Variants in MROH9 observed in about 807,000 individuals in gnomAD.
MROH9 encodes the protein maestro heat like repeat family member 9, also known as maestro heat-like repeat-containing protein family member 9.
A neutral mutation model predicts 98.2 loss-of-function variants in MROH9; 92 were observed. The observed-to-expected ratio is 0.94, with a 90% confidence interval of 0.79 to 1.11. The LOEUF (loss-of-function observed/expected upper bound fraction) is 1.11. MROH9 is among the 50% of genes most tolerant of loss of function. MROH9 has a pLI of 0.00. For synonymous variants in MROH9, 397 were observed against 368.9 expected (o/e 1.08, Z -0.87); for missense variants, 1,057 against 1,014.8 (o/e 1.04, Z -0.57).
chr1:171,013,868 AATAC>A (rs1306064327), intron 15 of MROH9, among the ~76,000 whole-genome samples: 3 of 106,342 alleles, frequency 2.8e-5, no homozygotes, highest in East Asian at 5.7e-4. Flanking sequence ...GAAAATGTAA[AATAC>A]ATACACACAC....
At chr1:170,999,740 C>T (rs1278891081) in intron 15 of MROH9, among the ~76,000 whole-genome samples, 2 of 152,052 alleles carry the variant, frequency 1.3e-5, no homozygotes, top group Non-Finnish European at 2.9e-5. Flanking sequence ...ACTTTTAGTT[C>T]TTTAAGGGAT....
rs1388854212 is a variant in MROH9 at position 171,024,647 on chromosome 1, A to G, written c.2062-2A>G. ...CTTCACCGGCCTTTTTCTGTCTCACAGGCATGTAAATATACATTAAAAATC... is the reference window on the plus strand; with the variant it reads ...CTTCACCGGCCTTTTTCTGTCTCACGGGCATGTAAATATACATTAAAAATC... On this transcript the variant is annotated splice_acceptor_variant, in intron 18 of 21. Coordinates refer to ENST00000367759, the MANE Select transcript of MROH9 (RefSeq NM_001163629.2). LOFTEE classifies it high-confidence loss of function. 6 of 1,545,802 alleles carry G rather than the reference A, an allele frequency of 3.9e-6. No homozygotes were observed. In the Admixed American group the frequency reaches 7.9e-5, roughly 20 times the overall value.
At chr1:170,977,960 G>A (rs955415323) in intron 8 of MROH9, among the ~76,000 whole-genome samples, 32 of 152,294 alleles carry the variant, frequency 2.1e-4, no homozygotes, top group African/African-American at 7.7e-4. Context: ...AGACAGACTG[G>A]CCCCCTTTCT....
At chr1:170,981,370 T>A (rs1390638924) in intron 8 of MROH9, among the ~76,000 whole-genome samples, 1 of 152,088 alleles carries the variant, frequency 6.6e-6, no homozygotes, top group Non-Finnish European at 1.5e-5. Context: ...CAAATGCCTA[T>A]CCATGATAGA....
chr1:170,983,160 G>C lies in MROH9; in HGVS notation c.617-262G>C, dbSNP rs369675316. On this transcript the variant is annotated intron_variant, in intron 8 of 21. Transcript: ENST00000367759. ...AGCACACTGAACCATGCATTTGATG[G>C]TCTATATATATTTGTTATCTTGTCA... Among the ~76,000 whole-genome samples, 155 of 152,198 alleles carry C rather than the reference G, an allele frequency of 1.0e-3. 1 individual carries two copies. The Middle Eastern group carries it at 0.024, about 23-fold the overall frequency.
chr1:170,938,164 A>G (rs1648973758), intron 1 of MROH9, among the ~76,000 whole-genome samples: 2 of 152,186 alleles, frequency 1.3e-5, no homozygotes, highest in African/African-American at 2.4e-5. Flanking sequence ...CAGAAGCACA[A>G]GGAGACCAAG....
chr1:170,983,443 C>T lies in MROH9; in HGVS notation c.638C>T (p.Thr213Ile), dbSNP rs766369095. 2 of 1,612,024 alleles carry T rather than the reference C, an allele frequency of 1.2e-6. No individual in the cohort carries two copies. The highest frequency in any genetic ancestry group is 1.7e-6 in the Non-Finnish European group (2 of 1,178,658). Residue 213 changes from threonine to isoleucine, a missense_variant, in exon 9 of 22, where the codon ACA becomes ATA. Thr to Ile is a moderately conservative substitution (Grantham distance 89). Transcript: ENST00000367759. ...CQNDIGTNKP[T>I]NGKSHSLQFP... is the part of the protein sequence containing the mutation. ...GCAGATATTGGAACAAATAAGCCTA[C>T]AAACGGTAAAAGTCATAGCCTCCAG...
chr1:170,958,646 C>A, intron 4 of MROH9, 106 bp downstream of exon 4: 1 of 758,608 alleles, frequency 1.3e-6, no homozygotes, highest in Non-Finnish European at 2.1e-6. Context: ...CTCCAAACTT[C>A]ACCATCATAA....
chr1:170,987,538 C>T (rs367624600), intron 10 of MROH9, among the ~76,000 whole-genome samples: 1 of 152,166 alleles, frequency 6.6e-6, no homozygotes. Context: ...TGCTATTTAA[C>T]GTCTTTCTAA....
intron 8 of MROH9, among the ~76,000 whole-genome samples, chr1:170,978,014 C>T (rs974377391): frequency 1.9e-4 from 29 of 152,156 alleles, no homozygotes; most frequent in Non-Finnish European, 3.2e-4. Context: ...TAGGTATTTA[C>T]AGTCTTTGCT....
chr1:171,021,219 A>C (rs1278764636), intron 17 of MROH9, among the ~76,000 whole-genome samples: 2 of 152,236 alleles, frequency 1.3e-5, no homozygotes, highest in Non-Finnish European at 2.9e-5. Flanking sequence ...TATTCTCATC[A>C]AACTACCATT....
intron 6 of MROH9, among the ~76,000 whole-genome samples, 161 bp downstream of exon 6, chr1:170,962,137 T>C (rs1167681865): frequency 6.6e-6 from 1 of 152,196 alleles, no homozygotes; most frequent in East Asian, 1.9e-4. Context: ...CTTCCCTTTA[T>C]TTGAATTACA....
At chr1:171,035,854 T>A (rs1335639391) in intron 20 of MROH9, among the ~76,000 whole-genome samples, 1 of 152,168 alleles carries the variant, frequency 6.6e-6, no homozygotes, top group Non-Finnish European at 1.5e-5. Context: ...GAAAGCTGTT[T>A]AGCTATATCT....
At chr1:170,998,111 T>G in intron 14 of MROH9, 43 bp from the exon 15 acceptor site, 1 of 1,418,354 alleles carries the variant, frequency 7.1e-7, no homozygotes, top group Non-Finnish European at 9.6e-7. Context: ...ATTAGCATGG[T>G]GTTTTCTCCT....
rs539029511 is a variant in MROH9, at chr1:171,055,638, A to G, written c.2282-6494A>G. Among the ~76,000 whole-genome samples the G allele has an allele frequency of 1.1e-4, 16 of 150,726 alleles. No individual in the cohort carries two copies. The South Asian group carries it at 3.3e-3, about 31-fold the overall frequency. ...CTTCATAAAAAAAAAAAAAAAAAAA[A>G]AAAGATACAGTGGACTTTGGGGACT... is the stretch of plus-strand genomic sequence containing the variant. On this transcript the variant is annotated intron_variant, in intron 20 of 21. Transcript: ENST00000367759.
chr1:171,051,583 T>C (rs906538998), intron 20 of MROH9, among the ~76,000 whole-genome samples: 2 of 152,060 alleles, frequency 1.3e-5, no homozygotes, highest in Non-Finnish European at 2.9e-5. Context: ...AACTGGGGCC[T>C]GGCAGAGAGG....
intron 15 of MROH9, among the ~76,000 whole-genome samples, chr1:171,012,563 C>T (rs1414963945): frequency 1.4e-5 from 2 of 141,022 alleles, no homozygotes; most frequent in South Asian, 4.4e-4. Flanking sequence ...AGTGCAGTGG[C>T]TCGATCTCGG....
In MROH9 at chr1:170,937,812, C is replaced by A. The variant is rs182392979; in HGVS notation, c.-38+2225C>A. ...TGCTGGGATTACAGGCGTGAGCCAC[C>A]GCGCCCGGCCCATAATCAGTATTTT... On this transcript the variant is annotated intron_variant, in intron 1 of 21. Transcript: ENST00000367759. Among the ~76,000 whole-genome samples the A allele has an allele frequency of 8.0e-3, 1,222 of 152,214 alleles. 20 individuals are homozygous for A. The highest frequency in any genetic ancestry group is 0.028 in the African/African-American group (1,152 of 41,522).
intron 12 of MROH9, among the ~76,000 whole-genome samples, chr1:170,993,891 AT>A (rs1651458356): frequency 6.6e-6 from 1 of 151,728 alleles, no homozygotes; most frequent in Admixed American, 6.6e-5. Context: ...TTTTTAATGT[AT>A]TTTTCTCTCT....
Sources: allele counts gnomAD v4.1 joint callset (sites outside exome capture counted in the v4.1 genomes callset), GRCh38; gene constraint gnomAD v4.1.1; transcripts MANE v1.5; gene names NCBI Gene and HGNC (gene_info 2026-07-23, HGNC 2026-07-21).